Variants in PCP4L1 observed in about 807,000 individuals in gnomAD.
The protein encoded by PCP4L1 is Purkinje cell protein 4-like protein 1.
PCP4L1 carries 9 observed loss-of-function variants against 9.6 expected under a neutral mutation model. The observed-to-expected ratio is 0.94, with a 90% CI of 0.57 to 1.64. The LOEUF is 1.64. PCP4L1 is among the 40% of genes most tolerant of loss of function. The pLI is 0.00. For missense variants in PCP4L1, 81 were observed against 80.8 expected, an observed-to-expected ratio of 1.00 and a Z score of -0.01; for synonymous variants, 31 against 28.2, an observed-to-expected ratio of 1.10 and a Z score of -0.31.
chr1:161,258,748 C>T lies in PCP4L1; in HGVS notation c.-227C>T, dbSNP rs754145173. ...GTGGGGCCGGAGGCGGCGAGCTGAG[C>T]GGCTCTGACAGGACGGGTCGCAGGG... On this transcript the variant is annotated 5_prime_UTR_variant, in exon 1 of 3. Transcript: ENST00000504449. 1 of 634,226 alleles carries T rather than the reference C, an allele frequency of 1.6e-6. No individual in the cohort carries two copies. Among genetic ancestry groups the T allele is most frequent in the Non-Finnish European group, 2.7e-6 (1 of 370,296 alleles). The allele number at this position is 634,226 out of a possible 1,614,324, so 39.3% of individuals were successfully genotyped here. A position where few individuals can be genotyped will look rare whatever the true frequency, so the allele number is the denominator to read the frequency against.
At chr1:161,275,380 G>T (rs570482915) in intron 1 of PCP4L1, among the ~76,000 whole-genome samples, 2 of 152,058 alleles carry the variant, frequency 1.3e-5, no homozygotes, top group South Asian at 4.2e-4. Context: ...GCCAGGTGTG[G>T]TGGCGGGCGC....
At position 161,266,990 on chromosome 1, in the gene PCP4L1, G is replaced by T. The variant is rs113120003; in HGVS notation, c.9+8007G>T. 1.9e-3 allele frequency among the ~76,000 whole-genome samples: 288 copies of T among 152,256 alleles called. 1 individual carries two copies. Among genetic ancestry groups the T allele is most frequent in the African/African-American group, 6.6e-3 (275 of 41,530 alleles). ...TCAGAAGGGATAAAAGGGTCCCAGG[G>T]TGGAGTGGGAGGGTGCAAAGCCTCT... is the stretch of plus-strand genomic sequence containing the variant. On this transcript the variant is annotated intron_variant, in intron 1 of 2. Transcript: ENST00000504449.
intron 1 of PCP4L1, among the ~76,000 whole-genome samples, chr1:161,281,555 C>A (rs566176238): frequency 0.013 from 1,871 of 148,886 alleles, 40 homozygotes; most frequent in African/African-American, 0.044. Flanking sequence ...GCTGGCCGGG[C>A]GGGGGCTGAT....
chr1:161,262,970 A>G (rs925924195), intron 1 of PCP4L1, among the ~76,000 whole-genome samples: 1 of 152,238 alleles, frequency 6.6e-6, no homozygotes, highest in African/African-American at 2.4e-5. Context: ...ATAGAAAGAT[A>G]TATCTTTCAC....
intron 1 of PCP4L1, among the ~76,000 whole-genome samples, chr1:161,261,989 C>G (rs992385485): frequency 2.0e-5 from 3 of 152,216 alleles, no homozygotes; most frequent in African/African-American, 7.2e-5. Flanking sequence ...CAGAGTGATA[C>G]TATTCTGTTA....
intron 1 of PCP4L1, among the ~76,000 whole-genome samples, chr1:161,274,573 G>A (rs1343917097): frequency 2.6e-5 from 4 of 152,162 alleles, no homozygotes; most frequent in Admixed American, 2.0e-4. Flanking sequence ...GTGAAGTATG[G>A]TTAGTCTGAT....
intron 1 of PCP4L1, among the ~76,000 whole-genome samples, chr1:161,267,423 G>A (rs1327597345): frequency 1.3e-5 from 2 of 152,210 alleles, no homozygotes; most frequent in Non-Finnish European, 2.9e-5. Context: ...CCAGTGGGCT[G>A]AGGAATATGG....
At chr1:161,279,149 G>T (rs1669753620) in intron 1 of PCP4L1, among the ~76,000 whole-genome samples, 2 of 152,084 alleles carry the variant, frequency 1.3e-5, no homozygotes, top group Admixed American at 1.3e-4. Context: ...CTTTCTAGTT[G>T]ATATTTCATC....
At chr1:161,280,522 C>A (rs1266984778) in intron 1 of PCP4L1, among the ~76,000 whole-genome samples, 1 of 152,078 alleles carries the variant, frequency 6.6e-6, no homozygotes, top group Non-Finnish European at 1.5e-5. Context: ...TTTTGGAATT[C>A]CTTCTATATT....
chr1:161,276,500 T>G (rs1479446418), intron 1 of PCP4L1, among the ~76,000 whole-genome samples: 1 of 151,970 alleles, frequency 6.6e-6, no homozygotes, highest in Non-Finnish European at 1.5e-5. Context: ...CTGGGAAGCA[T>G]AGCAAGACCC....
At chr1:161,268,538 T>G (rs569690172) in intron 1 of PCP4L1, among the ~76,000 whole-genome samples, 41 of 150,454 alleles carry the variant, frequency 2.7e-4, no homozygotes, top group African/African-American at 9.5e-4. Flanking sequence ...CATTTTTCTC[T>G]GGTTCCTTTT....
rs1447281808 is a variant in PCP4L1, at chr1:161,281,304, TATTCCACAAAACCGCC to T, written c.10-2360_10-2345del. ...CTTTTCCCCACCTTTCCCCCTTTTC[TATTCCACAAAACCGCC>T]ATTGTCATCATGGCCCGTTCTCAAT... On this transcript the variant is annotated intron_variant, in intron 1 of 2. Transcript: ENST00000504449. 4.8e-3 allele frequency among the ~76,000 whole-genome samples: 731 copies of T among 152,284 alleles called. 3 individuals are homozygous for T. Among genetic ancestry groups the T allele is most frequent in the African/African-American group, 0.017 (687 of 41,562 alleles).
Position 161,268,023 on chromosome 1 carries a change from T to C in PCP4L1, c.9+9040T>C, listed in dbSNP as rs192283217. Among the ~76,000 whole-genome samples the C allele has an allele frequency of 3.3e-5, 5 of 152,308 alleles. No homozygotes were observed. In the East Asian group the frequency reaches 9.7e-4, roughly 29 times the overall value. ...CCACCGCACCTGGCCGACAATACTATCTGGTGAGGCAAGGAATAGACTTAC... is the reference window on the plus strand; with the variant it reads ...CCACCGCACCTGGCCGACAATACTACCTGGTGAGGCAAGGAATAGACTTAC... On this transcript the variant is annotated intron_variant, in intron 1 of 2. Coordinates refer to ENST00000504449, the MANE Select transcript of PCP4L1 (RefSeq NM_001102566.2).
chr1:161,281,495 G>A (rs1284281910), intron 1 of PCP4L1, among the ~76,000 whole-genome samples: 2 of 150,966 alleles, frequency 1.3e-5, no homozygotes, highest in Non-Finnish European at 3.0e-5. Context: ...CCCGGACTGG[G>A]CGGCTGGCCG....
Position 161,284,363 on chromosome 1 carries a change from C to CGGA in PCP4L1, c.103_105dup (p.Glu35dup), listed in dbSNP as rs750477432. The CGGA allele has an allele frequency of 9.3e-6, 15 of 1,613,640 alleles. No individual in the cohort carries two copies. The Middle Eastern group carries it at 5.0e-4, about 53-fold the overall frequency. The stretch of plus-strand genomic sequence containing the variant: ...GGAAAAGCTGGCAATGTCAAGAAGG[C>CGGA]GGAGGAGGAGGAGGAGATTGACATT... On this transcript the variant is annotated inframe_insertion, in exon 3 of 3. Transcript: ENST00000504449.
chr1:161,260,795 T>C (rs1553256814), intron 1 of PCP4L1, among the ~76,000 whole-genome samples: 2 of 152,210 alleles, frequency 1.3e-5, no homozygotes, highest in Non-Finnish European at 2.9e-5. Flanking sequence ...GATCCACGGA[T>C]GGAGACTATC....
intron 2 of PCP4L1, 74 bp from the exon 3 acceptor site, chr1:161,284,265 T>G (rs1669869763): frequency 1.9e-6 from 3 of 1,598,204 alleles, no homozygotes; most frequent in Non-Finnish European, 2.6e-6. Context: ...CCTTACCCAC[T>G]GTATTGGGGG....
intron 1 of PCP4L1, among the ~76,000 whole-genome samples, chr1:161,268,906 G>A (rs1669578670): frequency 6.6e-6 from 1 of 152,132 alleles, no homozygotes; most frequent in Non-Finnish European, 1.5e-5. Context: ...TCTGAGCACA[G>A]CAAAGCTAAG....
chr1:161,265,800 A>G, intron 1 of PCP4L1, among the ~76,000 whole-genome samples: 1 of 132,288 alleles, frequency 7.6e-6, no homozygotes, highest in East Asian at 2.2e-4. Context: ...GTGCAGTGGC[A>G]TGATCTCGTC....
Sources: allele counts gnomAD v4.1 joint callset (sites outside exome capture counted in the v4.1 genomes callset), GRCh38; gene constraint gnomAD v4.1.1; transcripts MANE v1.5; gene names NCBI Gene and HGNC (gene_info 2026-07-23, HGNC 2026-07-21).